Variants in DOCK3 observed in about 807,000 individuals in gnomAD.
DOCK3 encodes dedicator of cytokinesis protein 3.
DOCK3 carries 60 observed loss-of-function variants against 265.6 expected under a neutral mutation model. The ratio of observed to expected loss-of-function variants is 0.23; its 90% CI spans 0.18 to 0.28. The LOEUF is 0.28. Among genes scored for constraint, DOCK3 ranks in the 10% least tolerant of loss-of-function variants. DOCK3 has a pLI of 1.00. For synonymous variants in DOCK3, 881 were observed against 938.0 expected (o/e 0.94, Z 1.11); for missense variants, 1,981 against 2,594.3 (o/e 0.76, Z 5.14).
chr3:51,143,998 C>G (rs1387757636), intron 9 of DOCK3, among the ~76,000 whole-genome samples: 3 of 152,122 alleles, frequency 2.0e-5, no homozygotes, highest in Non-Finnish European at 2.9e-5. Context: ...ACAGTTTTAG[C>G]TCTTGTATTC....
chr3:50,904,594 A>T (rs977248352), intron 4 of DOCK3, among the ~76,000 whole-genome samples: 2 of 152,158 alleles, frequency 1.3e-5, no homozygotes, highest in Admixed American at 6.5e-5. Context: ...TCCTTTGCCC[A>T]CTTTGTGATG....
At chr3:51,141,704 C>CT (rs980315143) in intron 9 of DOCK3, among the ~76,000 whole-genome samples, 6 of 152,086 alleles carry the variant, frequency 3.9e-5, no homozygotes, top group African/African-American at 1.4e-4. Flanking sequence ...CCAAGAATGG[C>CT]TTTTAGAGAG....
intron 51 of DOCK3, among the ~76,000 whole-genome samples, chr3:51,376,997 GAATCCA>G (rs1241468670): frequency 2.0e-5 from 3 of 152,264 alleles, no homozygotes; most frequent in African/African-American, 7.2e-5. Flanking sequence ...TGGAGGGCCA[GAATCCA>G]CAGTGGCATT....
At chr3:50,960,633 G>A (rs2076861685) in intron 5 of DOCK3, among the ~76,000 whole-genome samples, 1 of 152,000 alleles carries the variant, frequency 6.6e-6, no homozygotes, top group Non-Finnish European at 1.5e-5. Context: ...TTCTACCAGT[G>A]TGTGGCTGTT....
At chr3:50,687,491 AG>A (rs2034909709) in intron 1 of DOCK3, among the ~76,000 whole-genome samples, 1 of 152,248 alleles carries the variant, frequency 6.6e-6, no homozygotes, top group African/African-American at 2.4e-5. Context: ...AACTCTGGCC[AG>A]TGATCTACCT....
At chr3:51,029,948 A>T (rs996056672) in intron 5 of DOCK3, among the ~76,000 whole-genome samples, 6 of 143,460 alleles carry the variant, frequency 4.2e-5, no homozygotes, top group African/African-American at 1.3e-4. Flanking sequence ...ATTGCCACCT[A>T]TTGTGTTTCC....
At chr3:51,134,346 AG>A (rs1195584667) in intron 9 of DOCK3, among the ~76,000 whole-genome samples, 1 of 152,216 alleles carries the variant, frequency 6.6e-6, no homozygotes, top group African/African-American at 2.4e-5. Flanking sequence ...AAGACCTGAT[AG>A]GGGCTGTATA....
chr3:51,089,122 T>A (rs1206445354), intron 7 of DOCK3, 121 bp from the exon 8 acceptor site: 7 of 1,016,826 alleles, frequency 6.9e-6, no homozygotes, highest in Non-Finnish European at 1.0e-5. Context: ...TACAAAGTTA[T>A]CAGAATTAAA....
chr3:51,285,037 T>C (rs2081333581), intron 27 of DOCK3, among the ~76,000 whole-genome samples: 1 of 152,202 alleles, frequency 6.6e-6, no homozygotes, highest in Admixed American at 6.5e-5. Context: ...ACTTTTAACA[T>C]TTGCAGCTAC....
At chr3:51,219,915 ACTAT>A (rs2089989114) in intron 14 of DOCK3, among the ~76,000 whole-genome samples, 1 of 152,150 alleles carries the variant, frequency 6.6e-6, no homozygotes, top group South Asian at 2.1e-4. Flanking sequence ...GAAAGGACAA[ACTAT>A]CTATAGTGAT....
chr3:50,675,071 G>A lies in DOCK3; in HGVS notation c.-193G>A. 1 of 201,978 alleles carries A rather than the reference G, an allele frequency of 5.0e-6. No homozygotes were observed. Among genetic ancestry groups the A allele is most frequent in the Non-Finnish European group, 8.8e-6 (1 of 113,838 alleles). 12.5% of individuals were successfully genotyped at this position (201,978 alleles called of 1,614,324 possible). On this transcript the variant is annotated 5_prime_UTR_variant, in exon 1 of 53. Transcript: ENST00000266037. The surrounding 1 kb of genome is among the most constrained non-coding windows in gnomAD (Gnocchi z 6.1). ...CGCCAGGGGCTGCTGGGCCACCCGC[G>A]GAGCCTCGCGGTCCAGACGTGGCGG... is the stretch of plus-strand genomic sequence containing the variant.
At chr3:51,244,263 G>T (rs963156950) in intron 21 of DOCK3, among the ~76,000 whole-genome samples, 17 of 151,102 alleles carry the variant, frequency 1.1e-4, no homozygotes, top group Non-Finnish European at 1.9e-4. Flanking sequence ...GTTAGGGATT[G>T]CATTGAATCT....
chr3:50,825,928 C>T (rs1576559138), intron 2 of DOCK3, among the ~76,000 whole-genome samples: 1 of 148,238 alleles, frequency 6.7e-6, no homozygotes, highest in Non-Finnish European at 1.5e-5. Flanking sequence ...AGGGAGATTA[C>T]TAGGAATAAG....
chr3:50,715,861 A>G (rs2037075643), intron 1 of DOCK3, among the ~76,000 whole-genome samples: 1 of 152,154 alleles, frequency 6.6e-6, no homozygotes, highest in East Asian at 1.9e-4. Flanking sequence ...ATATTTTAAC[A>G]TTTATTAAAC....
Position 51,103,641 on chromosome 3 carries a change from C to A in DOCK3, c.746+13257C>A, listed in dbSNP as rs1392076800. Among the ~76,000 whole-genome samples the A allele has an allele frequency of 3.3e-5, 5 of 152,146 alleles. No homozygotes were observed. In the East Asian group the frequency reaches 9.6e-4, roughly 29 times the overall value. On this transcript the variant is annotated intron_variant, in intron 9 of 52. Coordinates refer to ENST00000266037, the MANE Select transcript of DOCK3 (RefSeq NM_004947.5). ...GACTCTATTTAGTGCCTACAATGTG[C>A]CAGGTCCTATTCTAAGTCCCAGATA... is the stretch of plus-strand genomic sequence containing the variant.
chr3:50,704,924 C>A (rs567416146), intron 1 of DOCK3, among the ~76,000 whole-genome samples: 1 of 152,008 alleles, frequency 6.6e-6, no homozygotes, highest in African/African-American at 2.4e-5. Context: ...TCACCACGCC[C>A]GGCCTCTATA....
intron 9 of DOCK3, among the ~76,000 whole-genome samples, chr3:51,113,498 C>T (rs2109862877): frequency 6.6e-6 from 1 of 152,272 alleles, no homozygotes; most frequent in South Asian, 2.1e-4. Context: ...TCTGAAGCTT[C>T]TCGAACATTA....
At chr3:50,803,271 T>C (rs1460127569) in intron 2 of DOCK3, among the ~76,000 whole-genome samples, 2 of 152,178 alleles carry the variant, frequency 1.3e-5, no homozygotes, top group East Asian at 3.9e-4. Flanking sequence ...GGAGTGGTGA[T>C]GACTCTTAAC....
At position 51,383,955 on chromosome 3, in the gene DOCK3, A is replaced by G. The variant is rs1484815399; in HGVS notation, c.*2396A>G. On this transcript the variant is annotated 3_prime_UTR_variant, in exon 53 of 53. Transcript: ENST00000266037. ...TTCTAACCATTTCTTTTGTGTATTC[A>G]TGTTTAAAGAAAAAAAGTGATTTAA... 1 of 152,648 alleles carries G rather than the reference A, an allele frequency of 6.6e-6. No homozygotes were observed. Among genetic ancestry groups the G allele is most frequent in the Non-Finnish European group, 1.5e-5 (1 of 68,028 alleles). The allele number at this position is 152,648 out of a possible 1,614,324, so 9.5% of individuals were successfully genotyped here.
Sources: allele counts gnomAD v4.1 joint callset (sites outside exome capture counted in the v4.1 genomes callset), GRCh38; gene constraint gnomAD v4.1.1; non-coding constraint Gnocchi (gnomAD v3.1); transcripts MANE v1.5; gene names NCBI Gene and HGNC (gene_info 2026-07-23, HGNC 2026-07-21).